PON1: variants seen among roughly 807,000 people sequenced by gnomAD.
PON1 encodes the protein serum paraoxonase/arylesterase 1.
In PON1, 37 loss-of-function variants were observed where a neutral mutation model predicts 39.2. That is an observed-to-expected ratio of 0.94 (90% CI 0.73 to 1.24). The LOEUF is 1.24. PON1 is among the 50% of genes most tolerant of loss of function. The pLI, the probability that PON1 is intolerant of heterozygous loss-of-function variation, is 0.00. For synonymous variants in PON1, 148 were observed against 152.2 expected (o/e 0.97, Z 0.21); for missense variants, 397 against 413.5 (o/e 0.96, Z 0.35).
chr7:95,307,217 G>A (rs899895123), intron 6 of PON1, among the ~76,000 whole-genome samples: 4 of 151,792 alleles, frequency 2.6e-5, no homozygotes, highest in Admixed American at 6.6e-5. Flanking sequence ...GCGCCACCAC[G>A]CCTGGCTAAT....
At chr7:95,314,293 A>G (rs540148335) in intron 4 of PON1, among the ~76,000 whole-genome samples, 1 of 152,020 alleles carries the variant, frequency 6.6e-6, no homozygotes, top group East Asian at 1.9e-4. Flanking sequence ...CCGGGAGGTG[A>G]AGTTTTCAGT....
At chr7:95,304,627 C>T (rs976440683) in intron 7 of PON1, among the ~76,000 whole-genome samples, 3 of 152,152 alleles carry the variant, frequency 2.0e-5, no homozygotes, top group Non-Finnish European at 4.4e-5. Context: ...CCACCGCACC[C>T]GGCCAAGAAC....
chr7:95,320,422 T>C (rs1807870681), intron 1 of PON1, among the ~76,000 whole-genome samples: 1 of 152,172 alleles, frequency 6.6e-6, no homozygotes, highest in Non-Finnish European at 1.5e-5. Flanking sequence ...TTGATTTGGG[T>C]TCCAATTTGT....
chr7:95,311,160 T>C (rs1807643807), intron 5 of PON1, among the ~76,000 whole-genome samples: 1 of 138,280 alleles, frequency 7.2e-6, no homozygotes, highest in African/African-American at 2.8e-5. Flanking sequence ...TTTGAAATAC[T>C]AAGTCTGGTT....
At position 95,302,233 on chromosome 7, in the gene PON1, TAGA is replaced by T. The variant is rs776506565; in HGVS notation, c.878_880del (p.Phe293del). 2.6e-5 allele frequency: 42 copies of T among 1,612,588 alleles called. No homozygotes were observed. Among genetic ancestry groups the T allele is most frequent in the African/African-American group, 1.1e-4 (8 of 74,812 alleles). ...TGATGCAGGAGGATTCTCTGAGTCA[TAGA>T]AGAAGATTTTCATGCCATTGGGATG... On this transcript the variant is annotated inframe_deletion, in exon 8 of 9. Transcript: ENST00000222381.
At chr7:95,321,976 A>G (rs1807908531) in intron 1 of PON1, among the ~76,000 whole-genome samples, 1 of 151,954 alleles carries the variant, frequency 6.6e-6, no homozygotes, top group Non-Finnish European at 1.5e-5. Flanking sequence ...GAATACTGCA[A>G]CCTATTCATT....
rs1585689194 is a variant in PON1, at chr7:95,298,678, T to G, written c.*266A>C. On this transcript the variant is annotated 3_prime_UTR_variant, in exon 9 of 9. Transcript: ENST00000222381. ...ACACTGTTATTTAATATCTGACAAT[T>G]GACATAACTGATTTATCCATTTTAG... 1.9e-6 allele frequency: 1 copy of G among 524,718 alleles called. No homozygotes were observed. 32.5% of individuals were successfully genotyped at this position (524,718 alleles called of 1,614,324 possible).
chr7:95,320,670 G>A (rs1484676727), intron 1 of PON1, among the ~76,000 whole-genome samples: 3 of 152,180 alleles, frequency 2.0e-5, no homozygotes, highest in Non-Finnish European at 2.9e-5. Context: ...AATCTACAGA[G>A]AACACTGCTT....
intron 6 of PON1, 113 bp downstream of exon 6, chr7:95,307,898 A>T: frequency 9.4e-7 from 1 of 1,062,884 alleles, no homozygotes; most frequent in Non-Finnish European, 1.4e-6. Flanking sequence ...TCCTAATTTT[A>T]TCTCACTAGG....
chr7:95,318,602 G>GATAGGTAC, intron 1 of PON1: 2 of 529,318 alleles, frequency 3.8e-6, no homozygotes, highest in East Asian at 6.9e-5. Context: ...AGCAGAGGTG[G>GATAGGTAC]ATAGGTACAC....
chr7:95,318,663 C>G (rs1400775808), intron 1 of PON1: 4 of 384,092 alleles, frequency 1.0e-5, no homozygotes, highest in South Asian at 2.6e-5. Flanking sequence ...TTGGCAGGAA[C>G]AGGAGCAATT....
rs199851417 is a variant in PON1 at position 95,318,374 on chromosome 7, G to A, written c.94C>T (p.Arg32Ter). 200 of 1,608,932 alleles carry A rather than the reference G, an allele frequency of 1.2e-4. 2 individuals are homozygous for A. The highest frequency in any genetic ancestry group is 1.1e-3 in the South Asian group (101 of 90,974). ...SSYQTRLNAL[R>*]EVQPVELPNC... is the part of the protein sequence containing the mutation. ...GGAAGTTCTACGGGTTGTACCTCTC[G>A]GAGAGCATTAAGTCGTGTTCTGTGG... The change falls in exon 2 of 9, where the codon CGA becomes TGA. Residue 32 changes from arginine (R) to a stop codon, truncating the protein, a stop_gained. Coordinates refer to ENST00000222381, the MANE Select transcript of PON1 (RefSeq NM_000446.7). LOFTEE classifies it high-confidence loss of function.
intron 1 of PON1, among the ~76,000 whole-genome samples, chr7:95,323,887 G>A (rs915611333): frequency 6.6e-6 from 1 of 152,298 alleles, no homozygotes; most frequent in African/African-American, 2.4e-5. Context: ...CCACTGAAGC[G>A]AACCATCACA....
chr7:95,306,957 A>AT (rs988199131), intron 6 of PON1, among the ~76,000 whole-genome samples: 3 of 151,916 alleles, frequency 2.0e-5, no homozygotes, highest in Non-Finnish European at 2.9e-5. Context: ...ATTATCTTCT[A>AT]TTTTTTGAAA....
chr7:95,299,015 CTG>C lies in PON1; in HGVS notation c.995_996del (p.Thr332SerfsTer22). On this transcript the variant is annotated frameshift_variant, in exon 9 of 9. Coordinates refer to ENST00000222381, the MANE Select transcript of PON1 (RefSeq NM_000446.7). LOFTEE classifies it high-confidence loss of function. ...AENGTVLQGS[T>X]VASVYKGKLL... is the part of the protein sequence containing the mutation. ...AGTTTCCCTTTGTACACAGAGGCAACTGTACTGCCTTGCAACACTGTGCCATT... is the reference window on the plus strand; with the variant it reads ...AGTTTCCCTTTGTACACAGAGGCAACTACTGCCTTGCAACACTGTGCCATT... The C allele has an allele frequency of 6.2e-7, 1 of 1,614,128 alleles. No individual in the cohort carries two copies. Among genetic ancestry groups the C allele is most frequent in the Non-Finnish European group, 8.5e-7 (1 of 1,179,962 alleles).
chr7:95,302,063 C>G (rs1434977582), intron 8 of PON1, 142 bp downstream of exon 8: 3 of 880,868 alleles, frequency 3.4e-6, no homozygotes, highest in Non-Finnish European at 4.9e-6. Flanking sequence ...CGCCACTGCA[C>G]TCCAGCCTGG....
intron 6 of PON1, among the ~76,000 whole-genome samples, chr7:95,306,915 T>TC (rs1223854625): frequency 1.3e-5 from 2 of 151,774 alleles, no homozygotes; most frequent in African/African-American, 4.8e-5. Flanking sequence ...GCACTGTGCA[T>TC]CCCCCCAACA....
At chr7:95,318,222 A>C in intron 2 of PON1, 101 bp downstream of exon 2, 1 of 1,025,240 alleles carries the variant, frequency 9.8e-7, no homozygotes, top group Non-Finnish European at 1.5e-6. Flanking sequence ...CCTGATTCAA[A>C]ATTTTATTTT....
rs769851777 is a variant in PON1, at chr7:95,308,128, C to T, written c.581G>A (p.Trp194Ter). 8 of 1,614,048 alleles carry T rather than the reference C, an allele frequency of 5.0e-6. No individual in the cohort carries two copies. The South Asian group carries it at 6.6e-5, about 13-fold the overall frequency. Reference sequence around the variant, plus strand: ...CCACGCTAAACCCAAATACATCTCCCAGGATTGTAAGTAGGGGTCAAGAAA... The same window carrying T: ...CCACGCTAAACCCAAATACATCTCCTAGGATTGTAAGTAGGGGTCAAGAAA... ...HYFLDPYLQSWEMYLGLAWSY... is the reference protein window; with the variant it reads ...HYFLDPYLQS Residue 194 changes from tryptophan (W) to a stop codon, truncating the protein, a stop_gained, in exon 6 of 9, where the codon TGG becomes TAG. Transcript: ENST00000222381. LOFTEE classifies it high-confidence loss of function.
Sources: gnomAD v4.1 joint callset for allele counts (sites outside exome capture counted in the v4.1 genomes callset) on GRCh38, gnomAD v4.1.1 for gene constraint, MANE v1.5 for transcripts, NCBI Gene and HGNC (gene_info 2026-07-23, HGNC 2026-07-21) for gene names.